The following EP300 variants were observed in gnomAD, a reference collection of about 807,000 sequenced individuals.
EP300 encodes the protein histone acetyltransferase p300.
Under a neutral mutation model 264.0 loss-of-function variants are expected in EP300, and 31 were observed. That is an observed-to-expected ratio of 0.12 (90% CI 0.09 to 0.16). The LOEUF (loss-of-function observed/expected upper bound fraction) is 0.16. EP300 is among the 10% of genes least tolerant of loss of function. The pLI is 1.00. For missense variants in EP300, 2,766 were observed against 3,052.9 expected (o/e 0.91, Z 2.21); for synonymous variants, 1,340 against 1,045.4 (o/e 1.28, Z -5.44).
At chr22:41,125,212 G>C (rs1455886423) in intron 2 of EP300, among the ~76,000 whole-genome samples, 1 of 144,526 alleles carries the variant, frequency 6.9e-6, no homozygotes, top group Non-Finnish European at 1.5e-5. Context: ...TCCGCCTCCC[G>C]GGTTCACTCC....
chr22:41,141,678 T>TC (rs1259055751), intron 10 of EP300, among the ~76,000 whole-genome samples: 8 of 150,636 alleles, frequency 5.3e-5, no homozygotes, highest in Non-Finnish European at 8.9e-5. Flanking sequence ...TTTTTTTTTT[T>TC]CTTTTTCTTT....
intron 1 of EP300, among the ~76,000 whole-genome samples, chr22:41,102,550 G>A (rs1471500915): frequency 6.6e-6 from 1 of 152,120 alleles, no homozygotes; most frequent in South Asian, 2.1e-4. Context: ...TTATAATACA[G>A]GAATTTAGAC....
chr22:41,151,013 A>G (rs1469687535), intron 14 of EP300, among the ~76,000 whole-genome samples: 1 of 152,164 alleles, frequency 6.6e-6, no homozygotes, highest in Non-Finnish European at 1.5e-5. Flanking sequence ...TTGGTTATGT[A>G]TATAATAAAA....
chr22:41,127,896 G>A (rs766447852), intron 4 of EP300, 148 bp downstream of exon 4: 3 of 1,039,222 alleles, frequency 2.9e-6, no homozygotes, highest in Non-Finnish European at 4.2e-6. Flanking sequence ...TCACCAAAAT[G>A]TATACATTAG....
chr22:41,174,755 T>A (rs935450800), intron 29 of EP300: 1 of 152,094 alleles, frequency 6.6e-6, no homozygotes, highest in African/African-American at 2.4e-5. Context: ...AAGTGGTAAT[T>A]AAGTTGAGAG....
In EP300 at chr22:41,092,843, C is replaced by T. The variant is rs1360290998; in HGVS notation, c.-162C>T. On this transcript the variant is annotated 5_prime_UTR_variant, in exon 1 of 31. Transcript: ENST00000263253. ...CTATCGAGTCCGCATCCCTCTCCAG[C>T]CACTGCGACCCGGCGAAGAGAAAAA... is the stretch of plus-strand genomic sequence containing the variant. 5 of 786,186 alleles carry T rather than the reference C, an allele frequency of 6.4e-6. No homozygotes were observed. The highest frequency in any genetic ancestry group is 1.1e-5 in the Non-Finnish European group (5 of 444,806). The allele number at this position is 786,186 out of a possible 1,614,324, so 48.7% of individuals were successfully genotyped here.
intron 1 of EP300, among the ~76,000 whole-genome samples, chr22:41,093,496 CTG>C (rs2058685651): frequency 6.6e-6 from 1 of 152,108 alleles, no homozygotes; most frequent in Non-Finnish European, 1.5e-5. Context: ...ACTGTACTTA[CTG>C]TGTTTCCTCT....
At chr22:41,170,083 T>C (rs768957192) in intron 26 of EP300, among the ~76,000 whole-genome samples, 3 of 152,254 alleles carry the variant, frequency 2.0e-5, no homozygotes, top group Non-Finnish European at 4.4e-5. Context: ...CATTTTCCTT[T>C]GCAGTGTAAT....
At chr22:41,169,398 A>C (rs546991829) in intron 25 of EP300, 105 bp from the exon 26 acceptor site, 1 of 769,644 alleles carries the variant, frequency 1.3e-6, no homozygotes, top group African/African-American at 1.7e-5. Flanking sequence ...CGATGTGAGC[A>C]AAGAGCCTGG....
chr22:41,137,509 A>G (rs1431190421), intron 7 of EP300, 144 bp from the exon 8 acceptor site: 2 of 1,070,226 alleles, frequency 1.9e-6, no homozygotes, highest in African/African-American at 1.5e-5. Flanking sequence ...GTCTAGTCAC[A>G]CACTTCTCCC....
At chr22:41,141,769 C>A (rs547674787) in intron 10 of EP300, among the ~76,000 whole-genome samples, 4 of 151,932 alleles carry the variant, frequency 2.6e-5, no homozygotes, top group Non-Finnish European at 5.9e-5. Flanking sequence ...CTCCGCCTCC[C>A]AGGTTCAAGC....
intron 16 of EP300, among the ~76,000 whole-genome samples, chr22:41,152,724 A>G (rs142930299): frequency 2.2e-4 from 33 of 151,174 alleles, no homozygotes; most frequent in African/African-American, 8.0e-4. Context: ...AAGTATCCAC[A>G]TTGTCTCATT....
At chr22:41,100,055 C>A (rs1000025925) in intron 1 of EP300, among the ~76,000 whole-genome samples, 1 of 152,082 alleles carries the variant, frequency 6.6e-6, no homozygotes, top group Non-Finnish European at 1.5e-5. Context: ...CCCATCCCCC[C>A]ACCATCTCTA....
intron 1 of EP300, among the ~76,000 whole-genome samples, chr22:41,101,979 C>T (rs900440009): frequency 6.6e-6 from 1 of 151,598 alleles, no homozygotes; most frequent in South Asian, 2.1e-4. Context: ...AATACTTACC[C>T]TTATTACTTG....
chr22:41,097,437 CTTCT>C (rs2058708335), intron 1 of EP300, among the ~76,000 whole-genome samples: 1 of 150,766 alleles, frequency 6.6e-6, no homozygotes, highest in Non-Finnish European at 1.5e-5. Flanking sequence ...TTTTCTCTCT[CTTCT>C]TTATTTAATA....
At chr22:41,129,115 A>G (rs1323915500) in intron 4 of EP300, among the ~76,000 whole-genome samples, 4 of 151,790 alleles carry the variant, frequency 2.6e-5, no homozygotes, top group African/African-American at 7.3e-5. Context: ...GGTTCATGCC[A>G]TTCTCCTGCC....
chr22:41,094,672 T>C (rs779988588), intron 1 of EP300, among the ~76,000 whole-genome samples: 1 of 152,218 alleles, frequency 6.6e-6, no homozygotes, highest in Non-Finnish European at 1.5e-5. Flanking sequence ...AGATCATCTT[T>C]AGAGACTTAA....
chr22:41,169,539 C>T lies in EP300; in HGVS notation c.4209C>T (p.Phe1403=), dbSNP rs1569116968. Residue 1403 remains phenylalanine, a synonymous_variant, in exon 26 of 31, where the codon TTC becomes TTT. Coordinates refer to ENST00000263253, the MANE Select transcript of EP300 (RefSeq NM_001429.4). ...TATCTTACCTCGATAGTGTTCATTT[C>T]TTCCGTCCTAAATGCTTGAGGACTG... is the stretch of plus-strand genomic sequence containing the variant. ...VYISYLDSVH[F]FRPKCLRTAV... 1 of 1,609,754 alleles carries T rather than the reference C, an allele frequency of 6.2e-7. No homozygotes were observed.
chr22:41,113,484 C>G (rs2058805127), intron 1 of EP300, among the ~76,000 whole-genome samples: 1 of 152,218 alleles, frequency 6.6e-6, no homozygotes. Flanking sequence ...AATTTGGATA[C>G]TTAATTCATT....
Sources: allele counts gnomAD v4.1 joint callset (sites outside exome capture counted in the v4.1 genomes callset), GRCh38; gene constraint gnomAD v4.1.1; transcripts MANE v1.5; gene names NCBI Gene and HGNC (gene_info 2026-07-23, HGNC 2026-07-21).